CNTN4: variants seen among roughly 807,000 people sequenced by gnomAD.
CNTN4 encodes the protein contactin-4.
A neutral mutation model predicts 122.5 loss-of-function variants in CNTN4; 77 were observed. That is an observed-to-expected ratio of 0.63 (90% CI 0.52 to 0.76). The LOEUF (loss-of-function observed/expected upper bound fraction) is 0.76. Among genes scored for constraint, CNTN4 ranks in the 30% least tolerant of loss-of-function variants. The pLI, the probability that CNTN4 is intolerant of heterozygous loss-of-function variation, is 0.00. For missense variants in CNTN4, 1,256 were observed against 1,259.1 expected (o/e 1.00, Z 0.04); for synonymous variants, 512 against 447.0 (o/e 1.15, Z -1.83).
intron 2 of CNTN4, among the ~76,000 whole-genome samples, chr3:2,163,884 T>A (rs1446829016): frequency 6.6e-6 from 1 of 152,214 alleles, no homozygotes; most frequent in African/African-American, 2.4e-5. Flanking sequence ...GTAACACTTT[T>A]ACACTGCTGG....
At chr3:2,424,793 G>C (rs1294929345) in intron 3 of CNTN4, among the ~76,000 whole-genome samples, 1 of 152,178 alleles carries the variant, frequency 6.6e-6, no homozygotes, top group Non-Finnish European at 1.5e-5. Context: ...TTGCGGTTTT[G>C]ATTTGCATTT....
chr3:2,932,800 CTTTA>C (rs71058655), intron 13 of CNTN4, among the ~76,000 whole-genome samples: 7,845 of 148,782 alleles, frequency 0.053, 563 homozygotes, highest in African/African-American at 0.16. Context: ...TGCTTACAGT[CTTTA>C]TTTATTTATT....
At chr3:2,421,378 A>T (rs12632775) in intron 3 of CNTN4, among the ~76,000 whole-genome samples, 3 of 151,562 alleles carry the variant, frequency 2.0e-5, no homozygotes, top group African/African-American at 4.9e-5. Context: ...CAGCCTCCCG[A>T]GTAGCTGGGA....
intron 6 of CNTN4, among the ~76,000 whole-genome samples, chr3:2,777,138 G>A (rs1461473349): frequency 6.6e-5 from 10 of 152,100 alleles, no homozygotes; most frequent in Admixed American, 3.3e-4. Flanking sequence ...CCACCACCAC[G>A]CCCAGCTAAC....
At chr3:2,392,681 A>G (rs2046485277) in intron 3 of CNTN4, among the ~76,000 whole-genome samples, 1 of 152,190 alleles carries the variant, frequency 6.6e-6, no homozygotes, top group Admixed American at 6.5e-5. Context: ...GAAATATACA[A>G]TGCATTATTA....
chr3:2,463,992 T>G (rs1456571681), intron 3 of CNTN4, among the ~76,000 whole-genome samples: 2 of 152,160 alleles, frequency 1.3e-5, no homozygotes, highest in African/African-American at 4.8e-5. Flanking sequence ...AGTATTCATT[T>G]TCCTGTCCAA....
chr3:2,916,824 A>G (rs1185315212), intron 12 of CNTN4, among the ~76,000 whole-genome samples: 2 of 149,632 alleles, frequency 1.3e-5, no homozygotes, highest in African/African-American at 5.0e-5. Flanking sequence ...CCGGGTGGAG[A>G]CGCTCCTCAG....
At chr3:2,288,302 T>C (rs2042013641) in intron 2 of CNTN4, among the ~76,000 whole-genome samples, 1 of 151,972 alleles carries the variant, frequency 6.6e-6, no homozygotes, top group Admixed American at 6.6e-5. Context: ...CTTCCACTCA[T>C]TGTGGAAGGT....
At chr3:2,630,105 G>A (rs2082365367) in intron 4 of CNTN4, among the ~76,000 whole-genome samples, 1 of 152,124 alleles carries the variant, frequency 6.6e-6, no homozygotes, top group Non-Finnish European at 1.5e-5. Context: ...AACAACAGCA[G>A]CATTGAGAAG....
At chr3:3,047,338 C>T (rs1448161646) in intron 23 of CNTN4, among the ~76,000 whole-genome samples, 2 of 152,176 alleles carry the variant, frequency 1.3e-5, no homozygotes, top group Admixed American at 6.5e-5. Flanking sequence ...TTCTCAGCAC[C>T]ACATCGCACT....
chr3:2,439,910 G>C (rs947387590), intron 3 of CNTN4, among the ~76,000 whole-genome samples: 1 of 151,748 alleles, frequency 6.6e-6, no homozygotes, highest in Admixed American at 6.6e-5. Context: ...TAAAAGCAGT[G>C]CCTTTTGAAA....
In CNTN4 at chr3:2,685,335, GT is replaced by G. The variant is rs751231561; in HGVS notation, c.56-50879del. ...ATCCACTTTCTATTACCTTCAATTG[GT>G]GATAAAAATGTTAATGATGATCTTC... is the stretch of plus-strand genomic sequence containing the variant. On this transcript the variant is annotated intron_variant, in intron 4 of 24. Coordinates refer to ENST00000418658, the MANE Select transcript of CNTN4 (RefSeq NM_175607.3). Among the ~76,000 whole-genome samples the G allele has an allele frequency of 1.0e-3, 154 of 152,106 alleles. 1 individual carries two copies. Among genetic ancestry groups the G allele is most frequent in the Non-Finnish European group, 1.9e-3 (126 of 68,008 alleles).
At position 2,591,636 on chromosome 3, in the gene CNTN4, T is replaced by C. The variant is rs551955700; in HGVS notation, c.55+20078T>C. ...GCCTCGGCCTCCCAAAGTGCTGGGA[T>C]TACAGGCGTGAGCCACCGCGCCCGG... On this transcript the variant is annotated intron_variant, in intron 4 of 24. Coordinates refer to ENST00000418658, the MANE Select transcript of CNTN4 (RefSeq NM_175607.3). Among the ~76,000 whole-genome samples the C allele has an allele frequency of 5.8e-5, 3 of 51,752 alleles. 1 individual carries two copies. The highest frequency in any genetic ancestry group is 1.5e-4 in the Admixed American group (1 of 6,668). 34.0% of individuals were successfully genotyped at this position (51,752 alleles called of 152,430 possible).
At position 2,624,872 on chromosome 3, in the gene CNTN4, A is replaced by T. The variant is rs189137350; in HGVS notation, c.55+53314A>T. Among the ~76,000 whole-genome samples the T allele has an allele frequency of 2.1e-4, 32 of 152,006 alleles. No homozygotes were observed. The East Asian group carries it at 5.6e-3, about 27-fold the overall frequency. ...TGGTCTCGAACTCCTGGCCTCAATG[A>T]TCCACCCACCTCGGCCTCCTAGAGT... On this transcript the variant is annotated intron_variant, in intron 4 of 24. Coordinates refer to ENST00000418658, the MANE Select transcript of CNTN4 (RefSeq NM_175607.3).
In CNTN4 at chr3:2,736,245, T is replaced by A. The variant is rs772802775; in HGVS notation, c.86T>A (p.Ile29Asn). Residue 29 changes from isoleucine (I) to asparagine (N), a missense_variant, in exon 5 of 25, where the codon ATT (isoleucine) becomes AAT (asparagine). Coordinates refer to ENST00000418658, the MANE Select transcript of CNTN4 (RefSeq NM_175607.3). ...TCCACACTGCATGGCCCGATTTTTA[T>A]TCAAGAACCAAGTCCTGTAATGTTC... Reference protein sequence around the residue: ...DDSTLHGPIFIQEPSPVMFPL... With the variant: ...DDSTLHGPIFNQEPSPVMFPL... 19 of 1,613,780 alleles carry A rather than the reference T, an allele frequency of 1.2e-5. No homozygotes were observed. The highest frequency in any genetic ancestry group is 1.5e-5 in the Non-Finnish European group (18 of 1,179,778).
chr3:2,660,005 A>T (rs983665238), intron 4 of CNTN4, among the ~76,000 whole-genome samples: 4 of 152,218 alleles, frequency 2.6e-5, no homozygotes, highest in African/African-American at 4.8e-5. Flanking sequence ...GGCTTTTAAA[A>T]TAGCATGACG....
chr3:2,357,926 C>T (rs1270417342), intron 3 of CNTN4, among the ~76,000 whole-genome samples: 3 of 152,146 alleles, frequency 2.0e-5, no homozygotes, highest in African/African-American at 7.2e-5. Context: ...CATCCTATTT[C>T]ATTTAGAAGT....
At position 2,490,761 on chromosome 3, in the gene CNTN4, A is replaced by G. The variant is rs185172816; in HGVS notation, c.-88-80655A>G. 7.9e-5 allele frequency among the ~76,000 whole-genome samples: 12 copies of G among 152,292 alleles called. No homozygotes were observed. The East Asian group carries it at 1.5e-3, about 20-fold the overall frequency. On this transcript the variant is annotated intron_variant, in intron 3 of 24. Coordinates refer to ENST00000418658, the MANE Select transcript of CNTN4 (RefSeq NM_175607.3). ...GAAATATGGTCATGAATTAAAGGCAATCAACTTTCAAATCACGCCCACCCT... is the reference window on the plus strand; with the variant it reads ...GAAATATGGTCATGAATTAAAGGCAGTCAACTTTCAAATCACGCCCACCCT...
At chr3:2,707,340 C>T (rs1035487313) in intron 4 of CNTN4, among the ~76,000 whole-genome samples, 3 of 151,480 alleles carry the variant, frequency 2.0e-5, no homozygotes, top group African/African-American at 7.3e-5. Context: ...GAAAACTTCA[C>T]CTACAATTTG....
Sources: gnomAD v4.1 joint callset for allele counts (sites outside exome capture counted in the v4.1 genomes callset) on GRCh38, gnomAD v4.1.1 for gene constraint, MANE v1.5 for transcripts, NCBI Gene and HGNC (gene_info 2026-07-23, HGNC 2026-07-21) for gene names.